Variants in WDPCP observed in about 807,000 individuals in gnomAD.
WDPCP encodes WD repeat containing planar cell polarity effector, also known as WD repeat-containing and planar cell polarity effector protein fritz homolog.
A neutral mutation model predicts 93.1 loss-of-function variants in WDPCP; 71 were observed. The ratio of observed to expected loss-of-function variants is 0.76; its 90% CI spans 0.63 to 0.93. WDPCP has a LOEUF of 0.93. Ranked by LOEUF, WDPCP falls within the 40% of genes least tolerant of loss-of-function variation. The pLI is 0.00. For missense variants in WDPCP, 844 were observed against 887.4 expected (o/e 0.95, Z 0.62); for synonymous variants, 315 against 315.0 (o/e 1.00, Z 0.00).
At chr2:63,357,170 T>C (rs772988506) in intron 12 of WDPCP, among the ~76,000 whole-genome samples, 1 of 152,110 alleles carries the variant, frequency 6.6e-6, no homozygotes, top group Non-Finnish European at 1.5e-5. Flanking sequence ...ATAAAAACCA[T>C]GGAAGACAAC....
intron 13 of WDPCP, among the ~76,000 whole-genome samples, chr2:63,286,954 A>C (rs1684050387): frequency 6.6e-6 from 1 of 152,200 alleles, no homozygotes; most frequent in Admixed American, 6.5e-5. Context: ...CGGCCTAAAC[A>C]ACAGAAATTT....
At chr2:63,786,562 C>T (rs1013809835) in intron 2 of WDPCP, among the ~76,000 whole-genome samples, 1 of 152,116 alleles carries the variant, frequency 6.6e-6, no homozygotes, top group Non-Finnish European at 1.5e-5. Context: ...GATCTATATC[C>T]TTACCTCCAT....
intron 1 of WDPCP, among the ~76,000 whole-genome samples, chr2:63,538,203 C>T (rs561869323): frequency 2.0e-5 from 3 of 152,030 alleles, no homozygotes; most frequent in Admixed American, 6.6e-5. Context: ...AAAAGATAAT[C>T]CCTCAGCTGT....
At chr2:63,494,269 T>A (rs1348125979) in intron 1 of WDPCP, among the ~76,000 whole-genome samples, 2 of 81,560 alleles carry the variant, frequency 2.5e-5, no homozygotes, top group African/African-American at 6.3e-5. Flanking sequence ...TTTCACCAGA[T>A]GATGATGATG....
chr2:63,326,627 A>T (rs1344960921), intron 12 of WDPCP, among the ~76,000 whole-genome samples: 1 of 150,778 alleles, frequency 6.6e-6, no homozygotes, highest in Non-Finnish European at 1.5e-5. Flanking sequence ...AGGAAGAGAC[A>T]GAGAGACAGA....
intron 1 of WDPCP, among the ~76,000 whole-genome samples, chr2:63,821,852 A>T (rs536645815): frequency 6.6e-6 from 1 of 152,278 alleles, no homozygotes; most frequent in South Asian, 2.1e-4. Context: ...AAAAATACAC[A>T]CACAAACGCA....
chr2:63,631,780 A>T (rs921272296), intron 3 of WDPCP, among the ~76,000 whole-genome samples: 1 of 152,202 alleles, frequency 6.6e-6, no homozygotes, highest in Non-Finnish European at 1.5e-5. Flanking sequence ...TTGTAACCCC[A>T]AGTGGCCTGC....
intron 9 of WDPCP, among the ~76,000 whole-genome samples, chr2:63,405,340 G>A (rs1032731078): frequency 6.6e-6 from 1 of 152,114 alleles, no homozygotes; most frequent in Non-Finnish European, 1.5e-5. Flanking sequence ...AAAAAATTAA[G>A]ACCTAGTATA....
At chr2:63,249,960 T>C (rs1386976873) in intron 14 of WDPCP, among the ~76,000 whole-genome samples, 1 of 152,224 alleles carries the variant, frequency 6.6e-6, no homozygotes, top group African/African-American at 2.4e-5. Context: ...AATTTCTGTT[T>C]CCTTCTTCAC....
At chr2:63,527,218 C>T (rs564284961) in intron 1 of WDPCP, among the ~76,000 whole-genome samples, 1 of 146,332 alleles carries the variant, frequency 6.8e-6, no homozygotes. Flanking sequence ...AAAGGGCAGG[C>T]ATGCTTTTTT....
chr2:63,740,811 C>T (rs989712659), intron 2 of WDPCP, among the ~76,000 whole-genome samples: 6 of 152,136 alleles, frequency 3.9e-5, no homozygotes, highest in African/African-American at 1.4e-4. Context: ...TGTCCATTTG[C>T]TGCTCCTAGT....
intron 2 of WDPCP, among the ~76,000 whole-genome samples, chr2:63,807,943 A>G (rs374203847): frequency 6.6e-6 from 1 of 152,374 alleles, no homozygotes; most frequent in South Asian, 2.1e-4. Context: ...TATGGAAGCC[A>G]TCTGTCAGAA....
intron 6 of WDPCP, among the ~76,000 whole-genome samples, chr2:63,453,932 C>T (rs1427186958): frequency 8.3e-6 from 1 of 120,944 alleles, no homozygotes; most frequent in Non-Finnish European, 1.6e-5. Context: ...CGGAACATCA[C>T]ACACTGGGGC....
intron 7 of WDPCP, chr2:63,437,760 C>T: frequency 7.9e-7 from 1 of 1,258,192 alleles, no homozygotes; most frequent in Admixed American, 2.7e-5. Flanking sequence ...GATTTTTTTT[C>T]CTGTGACTAT....
intron 17 of WDPCP, among the ~76,000 whole-genome samples, chr2:63,146,391 G>C (rs902736274): frequency 2.7e-5 from 4 of 146,358 alleles, no homozygotes; most frequent in African/African-American, 1.0e-4. Context: ...TCAGTACCTA[G>C]TTTATTGAGA....
chr2:63,740,435 CT>C (rs1335737232), intron 2 of WDPCP, among the ~76,000 whole-genome samples: 1 of 152,106 alleles, frequency 6.6e-6, no homozygotes, highest in Non-Finnish European at 1.5e-5. Flanking sequence ...CTTAAGTTCA[CT>C]GCACACCTTC....
chr2:63,611,260 G>C (rs1444279326), intron 3 of WDPCP, among the ~76,000 whole-genome samples: 1 of 152,112 alleles, frequency 6.6e-6, no homozygotes, highest in Non-Finnish European at 1.5e-5. Flanking sequence ...AAAGATGCTG[G>C]ACTATTTTTG....
intron 1 of WDPCP, among the ~76,000 whole-genome samples, chr2:63,559,765 T>C (rs879063760): frequency 6.6e-6 from 1 of 152,184 alleles, no homozygotes; most frequent in South Asian, 2.1e-4. Context: ...TACAATCCAC[T>C]GCTTAAGGAA....
chr2:63,472,437 C>A (rs1298490122), intron 6 of WDPCP, among the ~76,000 whole-genome samples: 1 of 151,822 alleles, frequency 6.6e-6, no homozygotes, highest in Non-Finnish European at 1.5e-5. Context: ...TATCTCCTAT[C>A]ACCTTTGGTT....
Sources: allele counts gnomAD v4.1 joint callset (sites outside exome capture counted in the v4.1 genomes callset), GRCh38; gene constraint gnomAD v4.1.1; transcripts MANE v1.5; gene names NCBI Gene and HGNC (gene_info 2026-07-23, HGNC 2026-07-21).